NELL1: variants seen among roughly 807,000 people sequenced by gnomAD.
NELL1 encodes neural EGFL like 1, also known as protein kinase C-binding protein NELL1.
A neutral mutation model predicts 107.4 loss-of-function variants in NELL1; 76 were observed. The ratio of observed to expected loss-of-function variants is 0.71; its 90% CI spans 0.59 to 0.86. NELL1 has a LOEUF of 0.86. NELL1 is among the 40% of genes least tolerant of loss of function. The pLI is 0.00. For synonymous variants in NELL1, 353 were observed against 341.2 expected (o/e 1.03, Z -0.38); for missense variants, 1,024 against 1,005.5 (o/e 1.02, Z -0.25).
At chr11:20,899,436 G>T (rs1221261556) in intron 5 of NELL1, among the ~76,000 whole-genome samples, 1 of 152,086 alleles carries the variant, frequency 6.6e-6, no homozygotes, top group Non-Finnish European at 1.5e-5. Flanking sequence ...AACTAACTCA[G>T]AAAGATAATA....
intron 17 of NELL1, among the ~76,000 whole-genome samples, chr11:21,566,393 A>G (rs1300576973): frequency 6.6e-6 from 1 of 151,918 alleles, no homozygotes; most frequent in Non-Finnish European, 1.5e-5. Flanking sequence ...ACTATTCCAT[A>G]TTAAAATTTG....
chr11:20,982,151 T>G (rs1018290823), intron 12 of NELL1, among the ~76,000 whole-genome samples: 2 of 152,122 alleles, frequency 1.3e-5, no homozygotes, highest in Non-Finnish European at 1.5e-5. Flanking sequence ...CCCAAACAAC[T>G]CAGGTATCCA....
intron 14 of NELL1, among the ~76,000 whole-genome samples, chr11:21,256,714 C>T (rs891142784): frequency 6.6e-6 from 1 of 152,012 alleles, no homozygotes; most frequent in Non-Finnish European, 1.5e-5. Context: ...CTGGGTGCAA[C>T]TGTGGAGGCA....
intron 12 of NELL1, among the ~76,000 whole-genome samples, chr11:20,999,796 C>A (rs1424577880): frequency 6.7e-6 from 1 of 150,336 alleles, no homozygotes; most frequent in African/African-American, 2.4e-5. Context: ...TTTGAATTTT[C>A]AGCTGTTTTA....
intron 12 of NELL1, among the ~76,000 whole-genome samples, chr11:20,961,224 C>A (rs74579645): frequency 0.014 from 2,146 of 152,240 alleles, 17 homozygotes; most frequent in Non-Finnish European, 0.022. Context: ...AGTACTGCAA[C>A]CTGCTAGTGG....
chr11:21,005,196 T>C (rs1852303693), intron 12 of NELL1, among the ~76,000 whole-genome samples: 1 of 152,206 alleles, frequency 6.6e-6, no homozygotes, highest in Non-Finnish European at 1.5e-5. Context: ...TATGATGATT[T>C]TCCACAATAT....
chr11:21,009,059 A>T (rs368262703), intron 12 of NELL1, among the ~76,000 whole-genome samples: 1 of 152,020 alleles, frequency 6.6e-6, no homozygotes, highest in South Asian at 2.1e-4. Context: ...ATGTCCATGG[A>T]CCTGTGTTTA....
intron 12 of NELL1, among the ~76,000 whole-genome samples, chr11:20,998,116 C>T (rs1451106930): frequency 6.6e-6 from 1 of 152,088 alleles, no homozygotes; most frequent in Admixed American, 6.6e-5. Context: ...TTTCCATCTC[C>T]TGAGATTTTT....
intron 10 of NELL1, among the ~76,000 whole-genome samples, chr11:20,939,368 G>T (rs1415352328): frequency 6.6e-6 from 1 of 151,678 alleles, no homozygotes. Context: ...GACCAGGCTT[G>T]ATACTAGATA....
At chr11:21,411,264 A>C (rs1478427671) in intron 15 of NELL1, among the ~76,000 whole-genome samples, 2 of 152,022 alleles carry the variant, frequency 1.3e-5, no homozygotes, top group Admixed American at 6.6e-5. Context: ...CATATATAGA[A>C]AGAGAATGAG....
chr11:20,688,362 T>G (rs1007900866), intron 2 of NELL1, among the ~76,000 whole-genome samples: 9 of 152,124 alleles, frequency 5.9e-5, no homozygotes, highest in African/African-American at 2.2e-4. Context: ...CAGTGGTTTT[T>G]CAACCCTTAC....
intron 2 of NELL1, among the ~76,000 whole-genome samples, chr11:20,739,226 G>A (rs1210766303): frequency 1.3e-5 from 2 of 152,222 alleles, no homozygotes; most frequent in East Asian, 1.9e-4. Context: ...TGCTAAAATC[G>A]TGGTGGTTTG....
At chr11:21,293,366 C>G (rs1849312243) in intron 14 of NELL1, among the ~76,000 whole-genome samples, 1 of 152,132 alleles carries the variant, frequency 6.6e-6, no homozygotes, top group Non-Finnish European at 1.5e-5. Flanking sequence ...AAATACAAAT[C>G]AAGATCACAG....
chr11:20,778,098 C>T (rs145500297), intron 2 of NELL1, among the ~76,000 whole-genome samples: 1,983 of 152,232 alleles, frequency 0.013, 14 homozygotes, highest in Non-Finnish European at 0.021. Context: ...GCAGTGAGTG[C>T]CCTCTTCTCC....
intron 2 of NELL1, among the ~76,000 whole-genome samples, chr11:20,699,473 G>A (rs374461238): frequency 6.6e-6 from 1 of 151,858 alleles, no homozygotes; most frequent in Admixed American, 6.6e-5. Context: ...CGACTCCTCT[G>A]CCTTAGCCTC....
rs186366479 is a variant in NELL1, at chr11:21,281,921, G to A, written c.1549+52467G>A. Among the ~76,000 whole-genome samples the A allele has an allele frequency of 6.4e-4, 98 of 152,286 alleles. 2 individuals carry two copies. The highest frequency in any genetic ancestry group is 3.5e-4 in the Non-Finnish European group (24 of 68,030). ...ACAAAAACATCAGAGGAAGTCTCCT[G>A]GATATTTGCCTGGGCAAAAATTCTT... On this transcript the variant is annotated intron_variant, in intron 14 of 19. Coordinates refer to ENST00000357134, the MANE Select transcript of NELL1 (RefSeq NM_006157.5).
chr11:21,362,345 G>A (rs952822422), intron 14 of NELL1, among the ~76,000 whole-genome samples: 50 of 152,124 alleles, frequency 3.3e-4, no homozygotes, highest in African/African-American at 5.8e-4. Flanking sequence ...TGATGTAATC[G>A]GTCTTCAAAT....
intron 3 of NELL1, among the ~76,000 whole-genome samples, chr11:20,801,530 T>C (rs1199941713): frequency 2.6e-5 from 4 of 152,256 alleles, no homozygotes; most frequent in African/African-American, 9.6e-5. Context: ...GTGGGTTGTC[T>C]CTTCACTTTG....
intron 16 of NELL1, among the ~76,000 whole-genome samples, chr11:21,539,845 T>C (rs1856247920): frequency 6.6e-6 from 1 of 151,400 alleles, no homozygotes; most frequent in Non-Finnish European, 1.5e-5. Flanking sequence ...TTTAGGGCCA[T>C]TTAGGGCCAT....
Sources: allele counts gnomAD v4.1 joint callset (sites outside exome capture counted in the v4.1 genomes callset), GRCh38; gene constraint gnomAD v4.1.1; transcripts MANE v1.5; gene names NCBI Gene and HGNC (gene_info 2026-07-23, HGNC 2026-07-21).